TRPM3: variants seen among roughly 807,000 people sequenced by gnomAD.
The protein encoded by TRPM3 is long transient receptor potential channel 3.
TRPM3 carries 77 observed loss-of-function variants against 181.2 expected under a neutral mutation model. That is an observed-to-expected ratio of 0.42 (90% CI 0.35 to 0.51). The LOEUF is 0.51. Ranked by LOEUF, TRPM3 falls within the 20% of genes least tolerant of loss-of-function variation. The probability of loss-of-function intolerance (pLI) is 0.01; values close to 1 mark genes in which losing one functional copy is unlikely to be tolerated. For synonymous variants in TRPM3, 745 were observed against 796.4 expected, an observed-to-expected ratio of 0.94 and a Z score of 1.09; for missense variants, 1,759 against 2,196.7, an observed-to-expected ratio of 0.80 and a Z score of 3.98.
chr9:70,848,909 G>A (rs1305084835), intron 3 of TRPM3, among the ~76,000 whole-genome samples: 2 of 29,724 alleles, frequency 6.7e-5, no homozygotes. Context: ...CCCGGGAGGC[G>A]GAGCTTGCAG....
intron 1 of TRPM3, among the ~76,000 whole-genome samples, chr9:71,234,596 T>C (rs1745932394): frequency 6.6e-6 from 1 of 152,334 alleles, no homozygotes; most frequent in East Asian, 1.9e-4. Flanking sequence ...TCTCGGCGTC[T>C]TCACAAGGTC....
intron 1 of TRPM3, among the ~76,000 whole-genome samples, chr9:70,998,892 C>G (rs2097571445): frequency 6.6e-6 from 1 of 152,042 alleles, no homozygotes; most frequent in African/African-American, 2.4e-5. Flanking sequence ...CTCTCTTATC[C>G]CCTGCTCACT....
At chr9:70,930,421 TCCTTTCATCA>T (rs1337230705) in intron 1 of TRPM3, among the ~76,000 whole-genome samples, 1 of 152,208 alleles carries the variant, frequency 6.6e-6, no homozygotes, top group Non-Finnish European at 1.5e-5. Flanking sequence ...GTTTTATACT[TCCTTTCATCA>T]CCTTTCATTA....
intron 1 of TRPM3, among the ~76,000 whole-genome samples, chr9:71,440,120 C>A (rs2094115221): frequency 6.6e-6 from 1 of 151,868 alleles, no homozygotes; most frequent in Admixed American, 6.6e-5. Context: ...GAGACTCCAT[C>A]TCAAAAAATA....
intron 1 of TRPM3, among the ~76,000 whole-genome samples, chr9:70,869,521 A>AAT (rs374876708): frequency 1.1e-3 from 168 of 152,166 alleles, no homozygotes; most frequent in African/African-American, 4.0e-3. Context: ...CAAAGAATGG[A>AAT]ATGGTAGCAT....
chr9:71,235,302 C>G (rs1277948256), intron 1 of TRPM3, among the ~76,000 whole-genome samples: 1 of 152,222 alleles, frequency 6.6e-6, no homozygotes, highest in Non-Finnish European at 1.5e-5. Flanking sequence ...CAGTTATTCT[C>G]CAGAAGTTTA....
intron 1 of TRPM3, among the ~76,000 whole-genome samples, chr9:71,100,727 A>G (rs1423374008): frequency 6.6e-6 from 1 of 151,940 alleles, no homozygotes; most frequent in Non-Finnish European, 1.5e-5. Context: ...GATGAAGTTC[A>G]CTCCTTGCCC....
intron 1 of TRPM3, among the ~76,000 whole-genome samples, chr9:71,151,342 T>A (rs1421353995): frequency 2.0e-5 from 3 of 151,972 alleles, no homozygotes; most frequent in African/African-American, 7.2e-5. Flanking sequence ...CAAAACACAA[T>A]GAGAGTTCAT....
intron 6 of TRPM3, among the ~76,000 whole-genome samples, chr9:70,818,249 G>A (rs544396285): frequency 3.9e-5 from 6 of 152,268 alleles, no homozygotes; most frequent in South Asian, 4.1e-4. Flanking sequence ...CATGATTCAT[G>A]AATTTATTCA....
intron 22 of TRPM3, among the ~76,000 whole-genome samples, chr9:70,586,123 A>G (rs1173954757): frequency 6.6e-6 from 1 of 151,886 alleles, no homozygotes; most frequent in Non-Finnish European, 1.5e-5. Context: ...CTCATCTCCC[A>G]CCCCAGGTAG....
At chr9:71,214,689 T>C (rs1228817527) in intron 1 of TRPM3, among the ~76,000 whole-genome samples, 1 of 152,162 alleles carries the variant, frequency 6.6e-6, no homozygotes, top group Non-Finnish European at 1.5e-5. Context: ...AAACCTCCTT[T>C]ATAGGCATTA....
intron 1 of TRPM3, among the ~76,000 whole-genome samples, chr9:71,158,366 C>T (rs2076105644): frequency 6.6e-6 from 1 of 152,102 alleles, no homozygotes; most frequent in Non-Finnish European, 1.5e-5. Context: ...TAAACCCATA[C>T]TACCTAATTT....
At chr9:71,105,911 T>C (rs901565440) in intron 1 of TRPM3, among the ~76,000 whole-genome samples, 1 of 152,112 alleles carries the variant, frequency 6.6e-6, no homozygotes, top group African/African-American at 2.4e-5. Context: ...CTTTCTAGGG[T>C]GATGCCAATT....
intron 1 of TRPM3, among the ~76,000 whole-genome samples, chr9:71,296,776 A>T (rs1372346465): frequency 6.6e-6 from 1 of 152,122 alleles, no homozygotes; most frequent in Non-Finnish European, 1.5e-5. Context: ...GGGGGTTCAC[A>T]CTGAGATGGT....
At chr9:70,877,661 T>C (rs1177990761) in intron 1 of TRPM3, among the ~76,000 whole-genome samples, 2 of 151,944 alleles carry the variant, frequency 1.3e-5, no homozygotes, top group African/African-American at 4.8e-5. Flanking sequence ...AAACCAAGTA[T>C]CCTAATTCAT....
chr9:70,868,006 CTG>C (rs1260913140), intron 1 of TRPM3, among the ~76,000 whole-genome samples: 1 of 152,024 alleles, frequency 6.6e-6, no homozygotes, highest in African/African-American at 2.4e-5. Flanking sequence ...TTTCGATGTG[CTG>C]TGTTTCTAGC....
At chr9:70,684,746 T>C (rs1052983536) in intron 8 of TRPM3, among the ~76,000 whole-genome samples, 3 of 152,206 alleles carry the variant, frequency 2.0e-5, no homozygotes, top group Admixed American at 2.0e-4. Context: ...ATAAAATTCC[T>C]TGATTTTGAT....
intron 1 of TRPM3, among the ~76,000 whole-genome samples, chr9:70,909,229 C>A (rs927566207): frequency 1.3e-5 from 2 of 152,178 alleles, no homozygotes; most frequent in African/African-American, 4.8e-5. Context: ...AGAAGAGTAT[C>A]CTGAGGGCAG....
chr9:71,341,609 A>T (rs555072973), intron 1 of TRPM3, among the ~76,000 whole-genome samples: 2 of 152,184 alleles, frequency 1.3e-5, no homozygotes, highest in East Asian at 3.9e-4. Flanking sequence ...AGGGTAAGAC[A>T]TGAGAACTAA....
Sources: gnomAD v4.1 joint callset for allele counts (sites outside exome capture counted in the v4.1 genomes callset) on GRCh38, gnomAD v4.1.1 for gene constraint, MANE v1.5 for transcripts, NCBI Gene and HGNC (gene_info 2026-07-23, HGNC 2026-07-21) for gene names.